DLG2: variants seen among roughly 807,000 people sequenced by gnomAD.
DLG2 encodes the protein discs large MAGUK scaffold protein 2.
In DLG2, 45 loss-of-function variants were observed where a neutral mutation model predicts 132.5. The observed-to-expected ratio is 0.34, with a 90% CI of 0.27 to 0.44. The LOEUF is 0.44. Among genes scored for constraint, DLG2 ranks in the 20% least tolerant of loss-of-function variants. DLG2 has a pLI of 1.00. For missense variants in DLG2, 1,045 were observed against 1,196.9 expected (o/e 0.87, Z 1.87); for synonymous variants, 424 against 419.6 (o/e 1.01, Z -0.13).
chr11:85,088,002 C>CT (rs1231720191), intron 6 of DLG2, among the ~76,000 whole-genome samples: 1 of 151,984 alleles, frequency 6.6e-6, no homozygotes, highest in African/African-American at 2.4e-5. Flanking sequence ...TCAAGTTAAG[C>CT]TAGTAGGTTG....
intron 15 of DLG2, among the ~76,000 whole-genome samples, chr11:83,880,187 C>A (rs1476175811): frequency 6.6e-6 from 1 of 151,876 alleles, no homozygotes; most frequent in East Asian, 1.9e-4. Context: ...GGTGGGCTCT[C>A]CAAGGTTATT....
intron 7 of DLG2, among the ~76,000 whole-genome samples, chr11:84,463,562 G>T (rs1290266111): frequency 1.3e-5 from 2 of 151,112 alleles, no homozygotes; most frequent in African/African-American, 4.8e-5. Flanking sequence ...AGTATTGATG[G>T]ACTATTATTT....
At chr11:85,082,853 A>G (rs1433267108) in intron 6 of DLG2, among the ~76,000 whole-genome samples, 1 of 151,812 alleles carries the variant, frequency 6.6e-6, no homozygotes, top group Admixed American at 6.6e-5. Context: ...AATCCAATGA[A>G]AGAAAGTTCA....
At chr11:84,803,045 C>T (rs536489285) in intron 6 of DLG2, among the ~76,000 whole-genome samples, 10 of 152,238 alleles carry the variant, frequency 6.6e-5, no homozygotes, top group African/African-American at 2.2e-4. Flanking sequence ...GTGATCTGCC[C>T]GCCTCGGCCT....
chr11:84,686,384 G>T (rs182733284), intron 6 of DLG2, among the ~76,000 whole-genome samples: 1 of 152,078 alleles, frequency 6.6e-6, no homozygotes, highest in Non-Finnish European at 1.5e-5. Flanking sequence ...ACAATGCTTC[G>T]TGTCTGGAGA....
chr11:84,685,900 G>A (rs999058573), intron 6 of DLG2, among the ~76,000 whole-genome samples: 6 of 152,140 alleles, frequency 3.9e-5, no homozygotes, highest in Non-Finnish European at 7.4e-5. Flanking sequence ...TATTAGCCAA[G>A]ATGGTCTCGA....
At chr11:84,151,513 G>A (rs1406292222) in intron 9 of DLG2, among the ~76,000 whole-genome samples, 4 of 152,012 alleles carry the variant, frequency 2.6e-5, no homozygotes, top group East Asian at 1.9e-4. Context: ...TGGTTTTGCT[G>A]ATCTTTTGTA....
Position 84,714,167 on chromosome 11 carries a change from T to C in DLG2, c.358-179436A>G, listed in dbSNP as rs997813463. On this transcript the variant is annotated intron_variant, in intron 6 of 27. Coordinates refer to ENST00000376104, the MANE Select transcript of DLG2 (RefSeq NM_001142699.3). ...TCTAATATATTTCAATGAACACATG[T>C]TACTATAAAATAAAAAAAAAACATA... is the stretch of plus-strand genomic sequence containing the variant. Among the ~76,000 whole-genome samples, 6 of 138,624 alleles carry C rather than the reference T, an allele frequency of 4.3e-5. 1 individual carries two copies. Among genetic ancestry groups the C allele is most frequent in the African/African-American group, 1.9e-4 (6 of 32,210 alleles). The allele number at this position is 138,624 out of a possible 152,430, so 90.9% of individuals were successfully genotyped here.
intron 11 of DLG2, among the ~76,000 whole-genome samples, chr11:84,011,252 C>A (rs1296268393): frequency 6.6e-6 from 1 of 152,006 alleles, no homozygotes; most frequent in Non-Finnish European, 1.5e-5. Flanking sequence ...AGGAGGATTA[C>A]TTGAGCCCAA....
At chr11:84,549,874 C>T (rs915803102) in intron 6 of DLG2, among the ~76,000 whole-genome samples, 4 of 152,080 alleles carry the variant, frequency 2.6e-5, no homozygotes, top group African/African-American at 9.7e-5. Context: ...CCACCTCAGA[C>T]TCCTAAGTAG....
At chr11:83,837,766 C>A (rs1319129046) in intron 16 of DLG2, among the ~76,000 whole-genome samples, 2 of 143,324 alleles carry the variant, frequency 1.4e-5, no homozygotes, top group Non-Finnish European at 3.0e-5. Context: ...AGAAAAAGTC[C>A]TGGGAACTCA....
chr11:85,138,553 TG>T (rs1355698880), intron 5 of DLG2, among the ~76,000 whole-genome samples: 1 of 152,196 alleles, frequency 6.6e-6, no homozygotes, highest in African/African-American at 2.4e-5. Context: ...TGATATGGTT[TG>T]GTTGTGTCCC....
chr11:84,539,368 A>T (rs1204059964), intron 6 of DLG2, among the ~76,000 whole-genome samples: 1 of 152,188 alleles, frequency 6.6e-6, no homozygotes, highest in Non-Finnish European at 1.5e-5. Flanking sequence ...ACCCTGACTA[A>T]GAATCAACCC....
intron 11 of DLG2, among the ~76,000 whole-genome samples, chr11:83,998,322 C>T (rs1483387): frequency 0.98 from 149,731 of 152,290 alleles, 73,613 homozygotes; most frequent in East Asian, 1. Flanking sequence ...TACATCAAAT[C>T]AGGAGCAGCC....
intron 6 of DLG2, among the ~76,000 whole-genome samples, chr11:84,875,897 C>T (rs976228428): frequency 1.4e-4 from 21 of 152,062 alleles, no homozygotes; most frequent in Non-Finnish European, 2.9e-4. Context: ...GCCACCATAC[C>T]TGGCTAATTT....
chr11:84,482,942 G>A (rs2099141599), intron 7 of DLG2, among the ~76,000 whole-genome samples: 1 of 152,084 alleles, frequency 6.6e-6, no homozygotes, highest in African/African-American at 2.4e-5. Flanking sequence ...TTTTAGTGGA[G>A]GAGAAAAATG....
intron 4 of DLG2, among the ~76,000 whole-genome samples, chr11:85,254,022 T>C (rs1302102142): frequency 3.3e-5 from 5 of 152,080 alleles, no homozygotes; most frequent in Admixed American, 2.6e-4. Flanking sequence ...AGGACAGGCA[T>C]TGGATGGTTT....
rs570558413 is a variant in DLG2 at position 85,097,631 on chromosome 11, T to C, written c.357+14030A>G. Among the ~76,000 whole-genome samples, 332 of 152,328 alleles carry C rather than the reference T, an allele frequency of 2.2e-3. 1 individual carries two copies. The highest frequency in any genetic ancestry group is 7.6e-3 in the African/African-American group (316 of 41,572). On this transcript the variant is annotated intron_variant, in intron 6 of 27. Transcript: ENST00000376104. ...AAATTTAAGATTTTCCTCTTTTCCATTGTTTTTTCTTCAGACAATTGTAAA... is the reference window on the plus strand; with the variant it reads ...AAATTTAAGATTTTCCTCTTTTCCACTGTTTTTTCTTCAGACAATTGTAAA...
intron 2 of DLG2, among the ~76,000 whole-genome samples, chr11:85,605,711 G>A (rs1002738362): frequency 1.3e-5 from 2 of 152,328 alleles, no homozygotes; most frequent in Admixed American, 6.5e-5. Flanking sequence ...GGGAGCGGTG[G>A]CTCACGCCTG....
Sources: gnomAD v4.1 joint callset for allele counts (sites outside exome capture counted in the v4.1 genomes callset) on GRCh38, gnomAD v4.1.1 for gene constraint, MANE v1.5 for transcripts, NCBI Gene and HGNC (gene_info 2026-07-23, HGNC 2026-07-21) for gene names.